The following PUSL1 variants were observed in gnomAD, a reference collection of about 807,000 sequenced individuals.
The protein encoded by PUSL1 is pseudouridine synthase like 1, also known as tRNA pseudouridine synthase-like 1.
In PUSL1, 51 loss-of-function variants were observed where a neutral mutation model predicts 30.7. The ratio of observed to expected loss-of-function variants is 1.66; its 90% CI spans 1.33 to 2.10. The LOEUF is 2.10. Ranked by LOEUF, PUSL1 falls within the 30% of genes most tolerant of loss-of-function variation. PUSL1 has a pLI of 0.00. For synonymous variants in PUSL1, 290 were observed against 192.1 expected (o/e 1.51, Z -4.21); for missense variants, 609 against 427.6 (o/e 1.42, Z -3.74).
chr1:1,309,204 G>A lies in PUSL1; in HGVS notation c.254G>A (p.Gly85Asp), dbSNP rs2100526317. The A allele has an allele frequency of 6.5e-7, 1 of 1,529,112 alleles. No homozygotes were observed. The highest frequency in any genetic ancestry group is 8.7e-7 in the Non-Finnish European group (1 of 1,147,174). The allele number at this position is 1,529,112 out of a possible 1,614,324, so 94.7% of individuals were successfully genotyped here. The change falls in exon 3 of 8, where the codon GGC becomes GAC. Residue 85 changes from glycine (G) to aspartate (D), a missense_variant. By Grantham distance (94) the Gly-to-Asp change is moderately conservative (BLOSUM62 -1). Transcript: ENST00000379031. ...CACCTGGACGTCCAGCGCCGCTCAG[G>A]CCGGCCGCCCTTCCCGCCCGAGGTC... Reference protein sequence around the residue: ...AAHLDVQRRSGRPPFPPEVLA... With the variant: ...AAHLDVQRRSDRPPFPPEVLA...
chr1:1,310,223 C>G (rs1642046409), intron 5 of PUSL1: 1 of 352,980 alleles, frequency 2.8e-6, no homozygotes, highest in South Asian at 5.0e-5. Context: ...AGAACCTCCC[C>G]TATTGGGGTG....
intron 5 of PUSL1, 153 bp downstream of exon 5, chr1:1,310,004 C>A: frequency 1.7e-6 from 1 of 586,430 alleles, no homozygotes; most frequent in Non-Finnish European, 2.9e-6. Context: ...CGCCCGGACG[C>A]CCCCCAGCCT....
At position 1,311,076 on chromosome 1, in the gene PUSL1, GA is replaced by G; in HGVS notation, c.862+10del. ...CAGTGCTGTACGGGAACCTCGGTAA[GA>G]AAAACAGGCACGAGAAGCTCCTGTC... On this transcript the variant is annotated splice_donor_region_variant and intron_variant, in intron 7 of 7. Coordinates refer to ENST00000379031, the MANE Select transcript of PUSL1 (RefSeq NM_153339.3). 2 of 1,593,908 alleles carry G rather than the reference GA, an allele frequency of 1.3e-6. No homozygotes were observed. The highest frequency in any genetic ancestry group is 1.7e-6 in the Non-Finnish European group (2 of 1,166,038).
chr1:1,310,546 C>T, intron 5 of PUSL1, 88 bp from the exon 6 acceptor site: 1 of 1,074,022 alleles, frequency 9.3e-7, no homozygotes, highest in East Asian at 2.4e-5. Context: ...TTTAGGCCCA[C>T]CCTGTCACTC....
Position 1,311,441 on chromosome 1 carries a change from G to T in PUSL1, c.*62G>T. 6.5e-7 allele frequency: 1 copy of T among 1,531,404 alleles called. No individual in the cohort carries two copies. The allele number at this position is 1,531,404 out of a possible 1,614,324, so 94.9% of individuals were successfully genotyped here. A position where few individuals can be genotyped will look rare whatever the true frequency, so the allele number is the denominator to read the frequency against. Reference sequence around the variant, plus strand: ...CCCAACCCTGTGCTGGTCAAGCCAGGGCAGTCACAGCTGCTTGGGGCCCAC... The same window carrying T: ...CCCAACCCTGTGCTGGTCAAGCCAGTGCAGTCACAGCTGCTTGGGGCCCAC... On this transcript the variant is annotated 3_prime_UTR_variant, in exon 8 of 8. Transcript: ENST00000379031.
chr1:1,308,669 C>G lies in PUSL1; in HGVS notation c.26C>G (p.Ser9Cys). 1.3e-6 allele frequency: 2 copies of G among 1,546,992 alleles called. No homozygotes were observed. The highest frequency in any genetic ancestry group is 1.7e-6 in the Non-Finnish European group (2 of 1,150,902). Residue 9 changes from serine to cysteine, a missense_variant, in exon 1 of 8, where the codon TCC (serine) becomes TGC (cysteine). Ser to Cys is a moderately radical substitution (Grantham distance 112). Coordinates refer to ENST00000379031, the MANE Select transcript of PUSL1 (RefSeq NM_153339.3). MSSAPASG[S>C]VRARYLVYFQ... is the part of the protein sequence containing the mutation. ...ATGAGTTCGGCGCCGGCCTCAGGCT[C>G]CGTGCGCGCGCGCTATCTTGTGTAC...
At chr1:1,310,003 GC>G (rs1557622671) in intron 5 of PUSL1, 152 bp downstream of exon 5, 6 of 587,526 alleles carry the variant, frequency 1.0e-5, no homozygotes, top group Non-Finnish European at 1.8e-5. Flanking sequence ...TCGCCCGGAC[GC>G]CCCCCAGCCT....
At position 1,308,915 on chromosome 1, in the gene PUSL1, C is replaced by T; in HGVS notation, c.78C>T (p.Asn26=). Residue 26 remains asparagine (N), a splice_region_variant and synonymous_variant, in exon 2 of 8, where the codon AAC becomes AAT. Coordinates refer to ENST00000379031, the MANE Select transcript of PUSL1 (RefSeq NM_153339.3). ...AACCTCCGCCCGCTTCTGCCCGCAG[C>T]GGGGTCGCGGCCGTCAGGGGCACTC... ...VYFQYVGTDF[N]GVAAVRGTQR... 2.8e-6 allele frequency: 4 copies of T among 1,415,968 alleles called. No individual in the cohort carries two copies. The highest frequency in any genetic ancestry group is 3.7e-6 in the Non-Finnish European group (4 of 1,087,522). The allele number at this position is 1,415,968 out of a possible 1,614,324, so 87.7% of individuals were successfully genotyped here. A position where few individuals can be genotyped will look rare whatever the true frequency, so the allele number is the denominator to read the frequency against.
rs749556442 is a variant in PUSL1 at position 1,308,651 on chromosome 1, C to T, written c.8C>T (p.Ser3Leu). The change falls in exon 1 of 8, where the codon TCG becomes TTG. Residue 3 changes from serine to leucine, a missense_variant. Coordinates refer to ENST00000379031, the MANE Select transcript of PUSL1 (RefSeq NM_153339.3). ...CACCGGCTGGGCTCCGCCATGAGTT[C>T]GGCGCCGGCCTCAGGCTCCGTGCGC... is the stretch of plus-strand genomic sequence containing the variant. Reference protein sequence around the residue: MSSAPASGSVRAR... With the variant: MSLAPASGSVRAR... 4 of 1,507,082 alleles carry T rather than the reference C, an allele frequency of 2.7e-6. No homozygotes were observed. Among genetic ancestry groups the T allele is most frequent in the East Asian group, 3.2e-5 (1 of 30,838 alleles). The allele number at this position is 1,507,082 out of a possible 1,614,324, so 93.4% of individuals were successfully genotyped here. A position where few individuals can be genotyped will look rare whatever the true frequency, so the allele number is the denominator to read the frequency against.
chr1:1,309,984 G>T, intron 5 of PUSL1, 133 bp downstream of exon 5: 1 of 709,774 alleles, frequency 1.4e-6, no homozygotes, highest in Non-Finnish European at 2.3e-6. Flanking sequence ...CTGGACAGCT[G>T]GAGGGGATTC....
At position 1,309,491 on chromosome 1, in the gene PUSL1, G is replaced by A; in HGVS notation, c.361G>A (p.Ala121Thr). 6.2e-7 allele frequency: 1 copy of A among 1,608,348 alleles called. No homozygotes were observed. The highest frequency in any genetic ancestry group is 1.3e-5 in the African/African-American group (1 of 74,952). ...RAFRVPSDFH[A>T]RHAATSRTYL... ...CTTCCGAGTGCCCAGCGACTTCCACGCTCGTCACGCAGCCACGTCCCGGAC... is the reference window on the plus strand; with the variant it reads ...CTTCCGAGTGCCCAGCGACTTCCACACTCGTCACGCAGCCACGTCCCGGAC... Residue 121 changes from alanine to threonine, a missense_variant, in exon 4 of 8, where the codon GCT becomes ACT. Ala to Thr is a moderately conservative substitution (Grantham distance 58). Coordinates refer to ENST00000379031, the MANE Select transcript of PUSL1 (RefSeq NM_153339.3).
chr1:1,311,376 A>G lies in PUSL1; in HGVS notation c.909A>G (p.Gly303=). 6.3e-7 allele frequency: 1 copy of G among 1,599,396 alleles called. No individual in the cohort carries two copies. Among genetic ancestry groups the G allele is most frequent in the South Asian group, 1.1e-5 (1 of 89,636 alleles). The change falls in exon 8 of 8, where the codon GGA becomes GGG. Residue 303 remains glycine (G), a synonymous_variant. Coordinates refer to ENST00000379031, the MANE Select transcript of PUSL1 (RefSeq NM_153339.3). ...AGGGGCCACAGTTCGGGAGCCACGG[A>G]TGACCCTGGACACTCAAGCCAAAGT... is the stretch of plus-strand genomic sequence containing the variant. ...TLQGPQFGSH[G]
In PUSL1 at chr1:1,308,615, G is replaced by A. The variant is rs1200029508; in HGVS notation, c.-29G>A. ...GCGCAGGATTCCTGCGCTGGAGGCC[G>A]CCTCTGACGCCACCGGCTGGGCTCC... On this transcript the variant is annotated 5_prime_UTR_variant, in exon 1 of 8. Coordinates refer to ENST00000379031, the MANE Select transcript of PUSL1 (RefSeq NM_153339.3). 2.0e-5 allele frequency: 26 copies of A among 1,284,700 alleles called. No individual in the cohort carries two copies. Among genetic ancestry groups the A allele is most frequent in the Non-Finnish European group, 2.5e-5 (25 of 981,308 alleles). The allele number at this position is 1,284,700 out of a possible 1,614,324, so 79.6% of individuals were successfully genotyped here. A position where few individuals can be genotyped will look rare whatever the true frequency, so the allele number is the denominator to read the frequency against.
intron 3 of PUSL1, 28 bp downstream of exon 3, chr1:1,309,301 G>C (rs772338446): frequency 1.4e-6 from 2 of 1,469,176 alleles, no homozygotes; most frequent in South Asian, 2.7e-5. Flanking sequence ...GCAGCCCTGG[G>C]GCTGTGCCTT....
At position 1,309,125 on chromosome 1, in the gene PUSL1, T is replaced by C. The variant is rs1238016758; in HGVS notation, c.175T>C (p.Phe59Leu). 4.6e-6 allele frequency: 7 copies of C among 1,524,888 alleles called. No homozygotes were observed. Among genetic ancestry groups the C allele is most frequent in the Non-Finnish European group, 1.7e-6 (2 of 1,144,142 alleles). 94.5% of individuals were successfully genotyped at this position (1,524,888 alleles called of 1,614,324 possible). Residue 59 changes from phenylalanine to leucine, a missense_variant, in exon 3 of 8, where the codon TTC becomes CTC. Transcript: ENST00000379031. ...GCTGAATTCCGTGGAGCCGGTCAGG[T>C]TCACCATCTCCAGCCGCACGGACGC... is the stretch of plus-strand genomic sequence containing the variant. ...ERLNSVEPVRFTISSRTDAGV... is the reference protein window; with the variant it reads ...ERLNSVEPVRLTISSRTDAGV...
At chr1:1,308,778 A>G in intron 1 of PUSL1, 58 bp downstream of exon 1, 2 of 1,459,764 alleles carry the variant, frequency 1.4e-6, no homozygotes, top group Non-Finnish European at 1.8e-6. Flanking sequence ...GGCGGGAAGG[A>G]GGGCGCGGGC....
Position 1,309,116 on chromosome 1 carries a change from C to G in PUSL1, c.166C>G (p.Pro56Ala). 6.6e-7 allele frequency: 1 copy of G among 1,517,438 alleles called. No homozygotes were observed. The highest frequency in any genetic ancestry group is 8.8e-7 in the Non-Finnish European group (1 of 1,141,132). The allele number at this position is 1,517,438 out of a possible 1,614,324, so 94.0% of individuals were successfully genotyped here. A position where few individuals can be genotyped will look rare whatever the true frequency, so the allele number is the denominator to read the frequency against. The stretch of plus-strand genomic sequence containing the variant: ...CGCCGAGCGGCTGAATTCCGTGGAG[C>G]CGGTCAGGTTCACCATCTCCAGCCG... ...EAAERLNSVEPVRFTISSRTD... is the reference protein window; with the variant it reads ...EAAERLNSVEAVRFTISSRTD... The change falls in exon 3 of 8, where the codon CCG (proline) becomes GCG (alanine). Residue 56 changes from proline to alanine, a missense_variant. Transcript: ENST00000379031.
chr1:1,309,377 C>T, intron 3 of PUSL1, 77 bp from the exon 4 acceptor site: 5 of 1,492,464 alleles, frequency 3.4e-6, no homozygotes, highest in South Asian at 1.3e-5. Context: ...GGTCGGAGCT[C>T]GAGGGGGAAG....
At chr1:1,310,336 G>C (rs1642056310) in intron 5 of PUSL1, 2 of 434,022 alleles carry the variant, frequency 4.6e-6, no homozygotes, top group Non-Finnish European at 8.3e-6. Flanking sequence ...CACGTTCCCA[G>C]ACCCTGCACC....
Sources: gnomAD v4.1 joint callset for allele counts on GRCh38, gnomAD v4.1.1 for gene constraint, MANE v1.5 for transcripts, NCBI Gene and HGNC (gene_info 2026-07-23, HGNC 2026-07-21) for gene names.